Variants in AP3B1 observed in about 807,000 individuals in gnomAD.
AP3B1 encodes adaptor related protein complex 3 subunit beta 1, also known as AP-3 complex subunit beta-1.
In AP3B1, 61 loss-of-function variants were observed where a neutral mutation model predicts 132.5. The observed-to-expected ratio is 0.46, with a 90% CI of 0.37 to 0.57. The LOEUF is 0.57. AP3B1 is among the 20% of genes least tolerant of loss of function. AP3B1 has a pLI of 0.00. For missense variants in AP3B1, 1,120 were observed against 1,289.4 expected (o/e 0.87, Z 2.01); for synonymous variants, 388 against 438.3 (o/e 0.89, Z 1.43).
intron 22 of AP3B1, among the ~76,000 whole-genome samples, chr5:78,066,141 C>T (rs985988761): frequency 6.6e-6 from 1 of 152,142 alleles, no homozygotes; most frequent in Non-Finnish European, 1.5e-5. Context: ...ACAAAAAAGT[C>T]CCCACAAAAA....
intron 15 of AP3B1, among the ~76,000 whole-genome samples, chr5:78,133,808 AGATTT>A (rs1421549006): frequency 5.9e-5 from 9 of 152,296 alleles, no homozygotes; most frequent in African/African-American, 2.2e-4. Flanking sequence ...TTTCCTGCTT[AGATTT>A]AAGGAACCAT....
At chr5:78,180,445 C>T (rs1211379351) in intron 8 of AP3B1, among the ~76,000 whole-genome samples, 4 of 151,946 alleles carry the variant, frequency 2.6e-5, no homozygotes, top group Non-Finnish European at 4.4e-5. Flanking sequence ...ATGCAACCAT[C>T]CCATTCCAGT....
At chr5:78,027,997 G>A (rs1334091030) in intron 24 of AP3B1, among the ~76,000 whole-genome samples, 1 of 151,954 alleles carries the variant, frequency 6.6e-6, no homozygotes, top group Non-Finnish European at 1.5e-5. Context: ...CTGGTGGCGC[G>A]TGCCTGTAAT....
intron 3 of AP3B1, among the ~76,000 whole-genome samples, chr5:78,230,167 T>C (rs1746584050): frequency 6.6e-6 from 1 of 152,168 alleles, no homozygotes. Flanking sequence ...AATCCAACTG[T>C]CCTCACGGAA....
intron 8 of AP3B1, among the ~76,000 whole-genome samples, chr5:78,180,408 T>C (rs953998208): frequency 6.6e-6 from 1 of 151,830 alleles, no homozygotes; most frequent in Non-Finnish European, 1.5e-5. Flanking sequence ...ACACAGAATA[T>C]AAAAGAATTA....
At chr5:78,044,429 A>T (rs1030175281) in intron 22 of AP3B1, among the ~76,000 whole-genome samples, 1 of 152,190 alleles carries the variant, frequency 6.6e-6, no homozygotes, top group Non-Finnish European at 1.5e-5. Context: ...TTTATTCTAC[A>T]TTGTTCCACA....
At chr5:78,277,422 G>A (rs904222520) in intron 1 of AP3B1, among the ~76,000 whole-genome samples, 9 of 152,196 alleles carry the variant, frequency 5.9e-5, no homozygotes, top group Non-Finnish European at 4.4e-5. Context: ...AAGAGGGAGA[G>A]AGCAAGGCAG....
At chr5:78,240,513 A>C (rs1747080452) in intron 3 of AP3B1, among the ~76,000 whole-genome samples, 2 of 152,276 alleles carry the variant, frequency 1.3e-5, no homozygotes, top group South Asian at 4.2e-4. Flanking sequence ...CAAGGTCTGG[A>C]TATACCCAAA....
intron 3 of AP3B1, among the ~76,000 whole-genome samples, chr5:78,232,333 T>C (rs148645411): frequency 6.6e-6 from 1 of 152,362 alleles, no homozygotes; most frequent in African/African-American, 2.4e-5. Flanking sequence ...GGCACCTGAA[T>C]GAACAAGTTT....
intron 22 of AP3B1, chr5:78,043,653 C>T: frequency 2.1e-6 from 1 of 473,542 alleles, no homozygotes; most frequent in Non-Finnish European, 4.2e-6. Context: ...TCAGCACATA[C>T]AGTGAAGGAA....
At chr5:78,143,572 G>T (rs1388499287) in intron 14 of AP3B1, among the ~76,000 whole-genome samples, 1 of 152,156 alleles carries the variant, frequency 6.6e-6, no homozygotes, top group Non-Finnish European at 1.5e-5. Flanking sequence ...GATGGGATCA[G>T]AATACTAAGA....
At chr5:78,222,132 A>C (rs929033318) in intron 6 of AP3B1, 1 of 152,192 alleles carries the variant, frequency 6.6e-6, no homozygotes, top group African/African-American at 2.4e-5. Context: ...CTCTAAAAAA[A>C]AAAAGAGAGA....
intron 8 of AP3B1, among the ~76,000 whole-genome samples, chr5:78,177,977 T>C (rs760861287): frequency 6.6e-6 from 1 of 152,096 alleles, no homozygotes; most frequent in African/African-American, 2.4e-5. Flanking sequence ...TTTGTGGCAA[T>C]ATGTATGGCA....
chr5:78,209,793 T>C (rs1745658609), intron 7 of AP3B1, among the ~76,000 whole-genome samples: 3 of 152,204 alleles, frequency 2.0e-5, no homozygotes, highest in Non-Finnish European at 2.9e-5. Flanking sequence ...CAGAAAAATG[T>C]TTCTCATAAG....
At chr5:78,081,618 G>A (rs1454721877) in intron 22 of AP3B1, among the ~76,000 whole-genome samples, 1 of 152,006 alleles carries the variant, frequency 6.6e-6, no homozygotes, top group African/African-American at 2.4e-5. Context: ...TTTATAGAAC[G>A]TGTGAATTAC....
At chr5:78,111,034 AGGC>A (rs1436471592) in intron 19 of AP3B1, among the ~76,000 whole-genome samples, 2 of 152,100 alleles carry the variant, frequency 1.3e-5, no homozygotes, top group Non-Finnish European at 2.9e-5. Flanking sequence ...TTGGGATTAT[AGGC>A]TTGAGCCACC....
At chr5:78,034,585 A>G in intron 23 of AP3B1, 140 bp from the exon 24 acceptor site, 3 of 689,364 alleles carry the variant, frequency 4.4e-6, no homozygotes, top group South Asian at 3.4e-5. Flanking sequence ...CAAACTAAGA[A>G]TATTAAAGCA....
chr5:78,135,715 AC>A (rs1752884406), intron 15 of AP3B1, among the ~76,000 whole-genome samples: 1 of 152,332 alleles, frequency 6.6e-6, no homozygotes, highest in African/African-American at 2.4e-5. Context: ...ACTTATCACT[AC>A]ATTTAAAAGA....
At chr5:78,091,956 A>T (rs1006480533) in intron 21 of AP3B1, among the ~76,000 whole-genome samples, 7 of 152,234 alleles carry the variant, frequency 4.6e-5, no homozygotes, top group African/African-American at 1.7e-4. Flanking sequence ...CTGGAAACTG[A>T]GCCACAGGGA....
Sources: allele counts gnomAD v4.1 joint callset (sites outside exome capture counted in the v4.1 genomes callset), GRCh38; gene constraint gnomAD v4.1.1; transcripts MANE v1.5; gene names NCBI Gene and HGNC (gene_info 2026-07-23, HGNC 2026-07-21).